The following TPM4 variants were observed in gnomAD, a reference collection of about 807,000 sequenced individuals.
TPM4 encodes the protein tropomyosin 4.
TPM4 carries 17 observed loss-of-function variants against 35.8 expected under a neutral mutation model. That is an observed-to-expected ratio of 0.47 (90% CI 0.32 to 0.71). The LOEUF is 0.71. Among genes scored for constraint, TPM4 ranks in the 30% least tolerant of loss-of-function variants. The pLI is 0.03. For synonymous variants in TPM4, 120 were observed against 122.9 expected (o/e 0.98, Z 0.15); for missense variants, 240 against 320.9 (o/e 0.75, Z 1.93).
chr19:16,076,779 C>G, intron 1 of TPM4, 82 bp downstream of exon 1: 4 of 1,281,274 alleles, frequency 3.1e-6, no homozygotes, highest in Non-Finnish European at 3.9e-6. Flanking sequence ...CCGCGCTGCC[C>G]GCCCGCGCGC....
chr19:16,095,253 C>T, intron 7 of TPM4: 5 of 1,020,530 alleles, frequency 4.9e-6, no homozygotes, highest in Non-Finnish European at 5.9e-6. Context: ...CTGGGGACCT[C>T]CGCCCTCTAG....
At chr19:16,077,997 A>G in intron 1 of TPM4, 1 of 390,698 alleles carries the variant, frequency 2.6e-6, no homozygotes, top group Middle Eastern at 6.4e-4. Flanking sequence ...CTGGTCTCGA[A>G]CTCCTGACCT....
At chr19:16,089,991 C>T (rs564345855) in intron 5 of TPM4, among the ~76,000 whole-genome samples, 2 of 151,762 alleles carry the variant, frequency 1.3e-5, no homozygotes, top group South Asian at 2.1e-4. Context: ...CCCGATTACA[C>T]GCTAATTTTT....
intron 2 of TPM4, among the ~76,000 whole-genome samples, chr19:16,069,270 AGT>A (rs1483265738): frequency 6.8e-6 from 1 of 147,238 alleles, no homozygotes; most frequent in African/African-American, 2.5e-5. Flanking sequence ...TATGTGTATG[AGT>A]GTGTTTCTGT....
chr19:16,101,901 C>T lies in TPM4; in HGVS notation c.*555C>T, dbSNP rs1285648045. ...AGATAGATCAACCTAAGAATCCTGG[C>T]CCTTCTCCACTCTCCACCATGCAGG... On this transcript the variant is annotated 3_prime_UTR_variant, in exon 8 of 8. Transcript: ENST00000643579. The T allele has an allele frequency of 1.3e-5, 3 of 226,014 alleles. No homozygotes were observed. The highest frequency in any genetic ancestry group is 2.6e-5 in the Non-Finnish European group (3 of 113,664). 14.0% of individuals were successfully genotyped at this position (226,014 alleles called of 1,614,324 possible). A position where few individuals can be genotyped will look rare whatever the true frequency, so the allele number is the denominator to read the frequency against.
intron 1 of TPM4, among the ~76,000 whole-genome samples, chr19:16,078,842 A>AAAAAAAAAAAAC: frequency 6.6e-6 from 1 of 151,770 alleles, no homozygotes; most frequent in Non-Finnish European, 1.5e-5. Context: ...AAAAAAAAAA[A>AAAAAAAAAAAAC]AAAAAAACCT....
chr19:16,084,075 C>T (rs891044568), intron 2 of TPM4, among the ~76,000 whole-genome samples: 15 of 152,128 alleles, frequency 9.9e-5, no homozygotes, highest in Non-Finnish European at 1.9e-4. Flanking sequence ...TACAGGCACC[C>T]GCCACCACAC....
rs565887612 is a variant in TPM4 at position 16,070,302 on chromosome 19, G to C, written c.114+2564G>C. ...TTCCAAGGCCGTGGCCATGGTTTGG[G>C]GCAGAGCAGACAGGAGCAGTGGGTG... On this transcript the variant is annotated intron_variant, in intron 2 of 2. Coordinates refer to the TPM4 transcript ENST00000589897. This position sits in a 1 kb window ranked among gnomAD's most constrained non-coding sequence, Gnocchi z 7.4. 6.6e-6 allele frequency among the ~76,000 whole-genome samples: 1 copy of C among 152,250 alleles called. No individual in the cohort carries two copies. The highest frequency in any genetic ancestry group is 1.5e-5 in the Non-Finnish European group (1 of 68,006).
At chr19:16,087,044 G>C (rs943309290) in intron 3 of TPM4, among the ~76,000 whole-genome samples, 1 of 152,150 alleles carries the variant, frequency 6.6e-6, no homozygotes, top group Non-Finnish European at 1.5e-5. Flanking sequence ...CACTTCGACC[G>C]AGGCGGGAGG....
Position 16,081,174 on chromosome 19 carries a change from G to A in TPM4, c.133-739G>A, listed in dbSNP as rs146609328. The A allele has an allele frequency of 4.6e-4, 181 of 397,360 alleles. 3 individuals are homozygous for A. The South Asian group carries it at 6.8e-3, about 15-fold the overall frequency. The allele number at this position is 397,360 out of a possible 1,614,324, so 24.6% of individuals were successfully genotyped here. A position where few individuals can be genotyped will look rare whatever the true frequency, so the allele number is the denominator to read the frequency against. On this transcript the variant is annotated intron_variant, in intron 1 of 7. Coordinates refer to ENST00000643579, the MANE Select transcript of TPM4 (RefSeq NM_003290.3). Reference sequence around the variant, plus strand: ...CGGAACTCACAGGACACAATGAGCCGGGTCACTGATGGCCTTGCTTTCTAA... The same window carrying A: ...CGGAACTCACAGGACACAATGAGCCAGGTCACTGATGGCCTTGCTTTCTAA...
chr19:16,078,196 G>T, intron 1 of TPM4: 1 of 398,644 alleles, frequency 2.5e-6, no homozygotes, highest in Non-Finnish European at 4.4e-6. Flanking sequence ...GCATGACAGG[G>T]GAGGCTCCAA....
At chr19:16,079,519 T>A (rs2090455333) in intron 1 of TPM4, among the ~76,000 whole-genome samples, 2 of 152,210 alleles carry the variant, frequency 1.3e-5, no homozygotes, top group Admixed American at 1.3e-4. Context: ...ATTCTCTGCA[T>A]TTGGTGTTTC....
chr19:16,069,164 G>A (rs1248018094), intron 2 of TPM4, among the ~76,000 whole-genome samples: 1 of 152,180 alleles, frequency 6.6e-6, no homozygotes, highest in Non-Finnish European at 1.5e-5. Context: ...CCACGCACAT[G>A]TTTGGATGTG....
intron 2 of TPM4, among the ~76,000 whole-genome samples, chr19:16,083,703 A>G (rs556331879): frequency 3.8e-4 from 56 of 146,166 alleles, no homozygotes; most frequent in African/African-American, 1.5e-3. Flanking sequence ...CGGAGTTCTC[A>G]CTTGAGCCAG....
rs549776901 is a variant in TPM4, at chr19:16,070,216, A to G, written c.114+2478A>G. On this transcript the variant is annotated intron_variant, in intron 2 of 2. Coordinates refer to the TPM4 transcript ENST00000589897. The surrounding 1 kb of genome is among the most constrained non-coding windows in gnomAD (Gnocchi z 7.4). The stretch of plus-strand genomic sequence containing the variant: ...CATCTCCTGGCAGCCAAGAGCCCAC[A>G]CAGACCCAGAACTTTGGAGACAAGA... Among the ~76,000 whole-genome samples the G allele has an allele frequency of 6.6e-6, 1 of 152,326 alleles. No individual in the cohort carries two copies. The highest frequency in any genetic ancestry group is 1.5e-5 in the Non-Finnish European group (1 of 68,024).
chr19:16,077,565 G>C (rs528617517), intron 1 of TPM4, among the ~76,000 whole-genome samples: 1 of 152,310 alleles, frequency 6.6e-6, no homozygotes, highest in South Asian at 2.1e-4. Flanking sequence ...GCCAGGGTCT[G>C]GGGACAGATT....
chr19:16,072,806 T>C (rs963442714), upstream of TPM4, among the ~76,000 whole-genome samples: 19 of 149,058 alleles, frequency 1.3e-4, no homozygotes, highest in East Asian at 2.0e-4. Context: ...ACTAGGGAGG[T>C]TGAGGCAGGA....
rs776885096 is a variant in TPM4 at position 16,067,667 on chromosome 19, A to C, written c.43A>C (p.Lys15Gln). 1.9e-6 allele frequency: 3 copies of C among 1,613,706 alleles called. No individual in the cohort carries two copies. Among genetic ancestry groups the C allele is most frequent in the Non-Finnish European group, 2.5e-6 (3 of 1,179,840 alleles). Residue 15 changes from lysine to glutamine, a missense_variant, in exon 2 of 3, where the codon AAG becomes CAG. Lys to Gln is a moderately conservative substitution (Grantham distance 53, BLOSUM62 1). Transcript: ENST00000589897. This position sits in a 1 kb window ranked among gnomAD's most constrained non-coding sequence, Gnocchi z 4.1. ...GAAAATGCAGATGCTGAAGTTGGAC[A>C]AGGAGAATGCCATCGACCGCGCGGA...
chr19:16,100,172 T>G (rs2090748471), intron 7 of TPM4: 1 of 152,156 alleles, frequency 6.6e-6, no homozygotes, highest in Non-Finnish European at 1.5e-5. Flanking sequence ...TACCCCCATT[T>G]GACAGACGGG....
Sources: gnomAD v4.1 joint callset for allele counts (sites outside exome capture counted in the v4.1 genomes callset) on GRCh38, gnomAD v4.1.1 for gene constraint, Gnocchi (gnomAD v3.1) non-coding constraint, MANE v1.5 for transcripts, NCBI Gene and HGNC (gene_info 2026-07-23, HGNC 2026-07-21) for gene names.